KIAA0930: variants seen among roughly 807,000 people sequenced by gnomAD.
KIAA0930 encodes KIAA0930, also known as uncharacterized protein KIAA0930.
A neutral mutation model predicts 43.9 loss-of-function variants in KIAA0930; 24 were observed. That is an observed-to-expected ratio of 0.55 (90% CI 0.40 to 0.77). The LOEUF is 0.77. Ranked by LOEUF, KIAA0930 falls within the 30% of genes least tolerant of loss-of-function variation. The pLI is 0.00. For synonymous variants in KIAA0930, 259 were observed against 216.4 expected (o/e 1.20, Z -1.73); for missense variants, 461 against 574.2 (o/e 0.80, Z 2.02).
intron 1 of KIAA0930, among the ~76,000 whole-genome samples, chr22:45,228,861 A>AACC (rs1474332498): frequency 4.2e-4 from 9 of 21,492 alleles, no homozygotes; most frequent in Non-Finnish European, 7.4e-4. Context: ...TTCACCCCCC[A>AACC]ACCACCACTC....
Position 45,194,628 on chromosome 22 carries a change from A to G in KIAA0930, c.*2548T>C, listed in dbSNP as rs1380603720. On this transcript the variant is annotated 3_prime_UTR_variant, in exon 10 of 10. Coordinates refer to ENST00000336156, the MANE Select transcript of KIAA0930 (RefSeq NM_001009880.2). ...TGGCCCTGCCACTTGTTACTCTATT[A>G]CTTTATTCCACATGTCATCTGTTAC... 6.6e-6 allele frequency: 1 copy of G among 152,096 alleles called. No individual in the cohort carries two copies. The highest frequency in any genetic ancestry group is 1.5e-5 in the Non-Finnish European group (1 of 68,012). 9.4% of individuals were successfully genotyped at this position (152,096 alleles called of 1,614,324 possible). A position where few individuals can be genotyped will look rare whatever the true frequency, so the allele number is the denominator to read the frequency against.
chr22:45,233,595 C>T (rs111725756), intron 1 of KIAA0930, among the ~76,000 whole-genome samples: 19 of 152,128 alleles, frequency 1.2e-4, no homozygotes, highest in African/African-American at 4.1e-4. Context: ...GGTGCCCACC[C>T]GGGTGGCAGG....
In KIAA0930 at chr22:45,219,640, G is replaced by A. The variant is rs1261642032; in HGVS notation, c.65-7533C>T. Among the ~76,000 whole-genome samples, 4 of 134,990 alleles carry A rather than the reference G, an allele frequency of 3.0e-5. No individual in the cohort carries two copies. In the East Asian group the frequency reaches 9.2e-4, roughly 31 times the overall value. 88.6% of individuals were successfully genotyped at this position (134,990 alleles called of 152,430 possible). On this transcript the variant is annotated intron_variant, in intron 1 of 9. Coordinates refer to ENST00000336156, the MANE Select transcript of KIAA0930 (RefSeq NM_001009880.2). The stretch of plus-strand genomic sequence containing the variant: ...ATGGAGTCTCAGTGTCACCCAGGCT[G>A]GAATAACATCATGTGATCTCGGCTC...
At position 45,199,106 on chromosome 22, in the gene KIAA0930, G is replaced by A. The variant is rs183547850; in HGVS notation, c.1015+767C>T. ...TCTGTGACGGCCACGCCTGTCCCCAGGAGCCATTTCCCACAGAGACTGCTG... is the reference window on the plus strand; with the variant it reads ...TCTGTGACGGCCACGCCTGTCCCCAAGAGCCATTTCCCACAGAGACTGCTG... On this transcript the variant is annotated intron_variant, in intron 8 of 9. Coordinates refer to ENST00000336156, the MANE Select transcript of KIAA0930 (RefSeq NM_001009880.2). Among the ~76,000 whole-genome samples the A allele has an allele frequency of 9.4e-4, 143 of 152,320 alleles. 1 individual carries two copies. Among genetic ancestry groups the A allele is most frequent in the Non-Finnish European group, 1.6e-3 (109 of 68,034 alleles).
rs756733647 is a variant in KIAA0930 at position 45,197,191 on chromosome 22, G to A, written c.1200C>T (p.Pro400=). 7.7e-6 allele frequency: 12 copies of A among 1,550,420 alleles called. No individual in the cohort carries two copies. The highest frequency in any genetic ancestry group is 1.4e-5 in the African/African-American group (1 of 73,102). The change falls in exon 10 of 10, where the codon CCC becomes CCT. Residue 400 remains proline, a synonymous_variant. Transcript: ENST00000336156. The stretch of plus-strand genomic sequence containing the variant: ...CCGCACGCGGCTAGGTCATCAGGAT[G>A]GGCTTCTGCCGAACTTCCAGGATGT... The part of the protein sequence containing the change: ...LTDILEVRQK[P]ILMT
At chr22:45,223,873 A>AAGCACCCAGGGTCAGCACTGAGAC (rs1569081724) in intron 1 of KIAA0930, among the ~76,000 whole-genome samples, 1 of 133,144 alleles carries the variant, frequency 7.5e-6, no homozygotes, top group Non-Finnish European at 1.6e-5. Context: ...AGCACCAGAT[A>AAGCACCCAGGGTCAGCACTGAGAC]AGCACCCAGG....
At chr22:45,198,101 GC>G in intron 8 of KIAA0930, 153 bp from the exon 9 acceptor site, 1 of 683,470 alleles carries the variant, frequency 1.5e-6, no homozygotes, top group Non-Finnish European at 2.5e-6. Context: ...ACGCTCCAGA[GC>G]TGCTGCCTCC....
intron 1 of KIAA0930, among the ~76,000 whole-genome samples, chr22:45,216,770 C>T (rs2083735157): frequency 6.6e-6 from 1 of 152,076 alleles, no homozygotes; most frequent in African/African-American, 2.4e-5. Flanking sequence ...TTTCCCCACC[C>T]TCAAGCAGAG....
At chr22:45,226,803 A>G (rs5766565) in intron 1 of KIAA0930, 57,459 of 156,692 alleles carry the variant, frequency 0.37, 10,893 homozygotes, top group South Asian at 0.45. Context: ...ATCTCAGCCA[A>G]GAGCCAGCAC....
In KIAA0930 at chr22:45,199,934, C is replaced by G; in HGVS notation, c.954G>C (p.Glu318Asp). 2 of 1,608,872 alleles carry G rather than the reference C, an allele frequency of 1.2e-6. No homozygotes were observed. The highest frequency in any genetic ancestry group is 1.7e-6 in the Non-Finnish European group (2 of 1,176,896). Residue 318 changes from glutamate to aspartate, a missense_variant, in exon 8 of 10, where the codon GAG becomes GAC. By Grantham distance (45) the Glu-to-Asp change is conservative. Transcript: ENST00000336156. ...KRKVPRNRIA[E>D]MKKSHSANDS... ...CGTTGGCCGAGTGCGACTTCTTCAT[C>G]TCAGCGATCCGGTTCCGGGGCACCT...
intron 5 of KIAA0930, among the ~76,000 whole-genome samples, chr22:45,204,456 GCA>G (rs1230765078): frequency 6.6e-6 from 1 of 152,166 alleles, no homozygotes; most frequent in Non-Finnish European, 1.5e-5. Flanking sequence ...AGGACCTGGT[GCA>G]CAGACTGTGA....
At chr22:45,223,370 G>A (rs1038217087) in intron 1 of KIAA0930, among the ~76,000 whole-genome samples, 1 of 152,238 alleles carries the variant, frequency 6.6e-6, no homozygotes, top group Non-Finnish European at 1.5e-5. Flanking sequence ...CGGAAGAGAA[G>A]GGAGGTGAGG....
intron 7 of KIAA0930, 22 bp downstream of exon 7, chr22:45,202,968 C>G (rs1287618054): frequency 7.7e-6 from 12 of 1,567,840 alleles, no homozygotes; most frequent in Non-Finnish European, 1.0e-5. Flanking sequence ...GGAGCCCCCG[C>G]CCCCAGCTGT....
At chr22:45,199,272 GGA>G (rs1274355346) in intron 8 of KIAA0930, among the ~76,000 whole-genome samples, 16 of 152,284 alleles carry the variant, frequency 1.1e-4, no homozygotes, top group African/African-American at 3.9e-4. Flanking sequence ...CGGGTGCTCA[GGA>G]GAGAGTGCAG....
intron 1 of KIAA0930, among the ~76,000 whole-genome samples, chr22:45,224,950 G>A (rs1204927011): frequency 6.6e-6 from 1 of 152,062 alleles, no homozygotes; most frequent in Non-Finnish European, 1.5e-5. Flanking sequence ...CGTCTGCCGT[G>A]GGGTGGCCTG....
At chr22:45,224,155 G>GA (rs1039919002) in intron 1 of KIAA0930, among the ~76,000 whole-genome samples, 2 of 152,102 alleles carry the variant, frequency 1.3e-5, no homozygotes, top group African/African-American at 4.8e-5. Flanking sequence ...CATGGTAGAG[G>GA]AAAAAAGCCA....
chr22:45,231,223 GAAAAAAAA>G (rs529570003), intron 1 of KIAA0930, among the ~76,000 whole-genome samples: 1 of 47,440 alleles, frequency 2.1e-5, no homozygotes, highest in African/African-American at 5.3e-5. Flanking sequence ...CTCCGTCTCA[GAAAAAAAA>G]AAAAAAAAAG....
intron 1 of KIAA0930, among the ~76,000 whole-genome samples, chr22:45,217,853 G>T (rs1043882755): frequency 6.6e-6 from 1 of 152,146 alleles, no homozygotes; most frequent in Non-Finnish European, 1.5e-5. Flanking sequence ...TGTCTCCCCT[G>T]CCTCAAGCGA....
In KIAA0930 at chr22:45,194,144, G is replaced by C. The variant is rs1405954979; in HGVS notation, c.*3032C>G. On this transcript the variant is annotated 3_prime_UTR_variant, in exon 10 of 10. Coordinates refer to ENST00000336156, the MANE Select transcript of KIAA0930 (RefSeq NM_001009880.2). The stretch of plus-strand genomic sequence containing the variant: ...GGCTAGAATGCAATGGCGTGATCTC[G>C]GCTCACTGCAACCTCTGCCTACTAG... The C allele has an allele frequency of 7.8e-6, 1 of 128,906 alleles. No individual in the cohort carries two copies. Among genetic ancestry groups the C allele is most frequent in the African/African-American group, 3.0e-5 (1 of 33,386 alleles). The allele number at this position is 128,906 out of a possible 1,614,324, so 8.0% of individuals were successfully genotyped here.
Sources: gnomAD v4.1 joint callset for allele counts (sites outside exome capture counted in the v4.1 genomes callset) on GRCh38, gnomAD v4.1.1 for gene constraint, MANE v1.5 for transcripts, NCBI Gene and HGNC (gene_info 2026-07-23, HGNC 2026-07-21) for gene names.